Variants in ACTR3B observed in about 807,000 individuals in gnomAD.
ACTR3B encodes actin related protein 3B, also known as actin-related protein 3B.
A neutral mutation model predicts 59.0 loss-of-function variants in ACTR3B; 8 were observed. That is an observed-to-expected ratio of 0.14 (90% CI 0.08 to 0.24). The LOEUF is 0.24. Among genes scored for constraint, ACTR3B ranks in the 10% least tolerant of loss-of-function variants. The pLI, the probability that ACTR3B is intolerant of heterozygous loss-of-function variation, is 1.00. For synonymous variants in ACTR3B, 148 were observed against 197.9 expected (o/e 0.75, Z 2.12); for missense variants, 245 against 552.3 (o/e 0.44, Z 5.58).
chr7:152,837,653 G>T (rs1797573624), intron 9 of ACTR3B, among the ~76,000 whole-genome samples: 1 of 152,222 alleles, frequency 6.6e-6, no homozygotes, highest in Non-Finnish European at 1.5e-5. Context: ...CAAGACTCCT[G>T]CTGAATACAT....
intron 1 of ACTR3B, among the ~76,000 whole-genome samples, chr7:152,777,882 G>A (rs1432761660): frequency 6.6e-6 from 1 of 151,912 alleles, no homozygotes; most frequent in African/African-American, 2.4e-5. Context: ...CATGGGAGGT[G>A]GAGGTTGCAG....
intron 1 of ACTR3B, among the ~76,000 whole-genome samples, chr7:152,780,516 A>G (rs1441139467): frequency 6.6e-6 from 1 of 151,938 alleles, no homozygotes. Flanking sequence ...GAATCTGAAC[A>G]TTCCAGCAGC....
chr7:152,828,625 C>T (rs1796771348), intron 9 of ACTR3B, among the ~76,000 whole-genome samples: 1 of 152,204 alleles, frequency 6.6e-6, no homozygotes, highest in Non-Finnish European at 1.5e-5. Context: ...GCAGAGCACG[C>T]AGTCACCTTT....
At chr7:152,847,501 TTGTC>T (rs1798444789) in intron 9 of ACTR3B, among the ~76,000 whole-genome samples, 1 of 152,178 alleles carries the variant, frequency 6.6e-6, no homozygotes, top group South Asian at 2.1e-4. Context: ...GCTCTCCTAT[TTGTC>T]TGTCCTTAGA....
chr7:152,829,032 T>TTG lies in ACTR3B; in HGVS notation c.951+3922_951+3923dup, dbSNP rs770912639. Among the ~76,000 whole-genome samples the TTG allele has an allele frequency of 3.1e-4, 45 of 144,638 alleles. No homozygotes were observed. In the Middle Eastern group the frequency reaches 0.014, roughly 46 times the overall value. The allele number at this position is 144,638 out of a possible 152,430, so 94.9% of individuals were successfully genotyped here. On this transcript the variant is annotated intron_variant, in intron 9 of 11. Coordinates refer to ENST00000256001, the MANE Select transcript of ACTR3B (RefSeq NM_020445.6). ...TTTGAGGTATATTGACAAGTAAAAA[T>TTG]TGTGTGTGTGTGTATATATATATAT...
At chr7:152,785,095 T>G (rs190728298) in intron 2 of ACTR3B, among the ~76,000 whole-genome samples, 42 of 152,062 alleles carry the variant, frequency 2.8e-4, no homozygotes, top group African/African-American at 9.9e-4. Flanking sequence ...CCTTGTTAAG[T>G]GCGACAGCTA....
rs2098161475 is a variant in ACTR3B at position 152,783,445 on chromosome 7, T to G, written c.100+203T>G. 3.3e-5 allele frequency among the ~76,000 whole-genome samples: 5 copies of G among 152,106 alleles called. No homozygotes were observed. In the South Asian group the frequency reaches 1.0e-3, roughly 32 times the overall value. ...ACTGTCGTTGGAATCTCAGCTTGGA[T>G]AGTCAGCAGGGTCCATTTATTCAAT... On this transcript the variant is annotated intron_variant, in intron 2 of 11. Transcript: ENST00000256001.
intron 2 of ACTR3B, among the ~76,000 whole-genome samples, chr7:152,784,910 C>T (rs2098166559): frequency 6.6e-6 from 1 of 152,014 alleles, no homozygotes. Flanking sequence ...AGGGTTAGGG[C>T]TTCTGCGTAG....
chr7:152,829,608 G>A (rs1563139152), intron 9 of ACTR3B, among the ~76,000 whole-genome samples: 1 of 152,128 alleles, frequency 6.6e-6, no homozygotes, highest in Non-Finnish European at 1.5e-5. Flanking sequence ...ATCAGCCTGG[G>A]CCCACCGTGG....
At chr7:152,793,531 G>A (rs982426319) in intron 2 of ACTR3B, among the ~76,000 whole-genome samples, 1 of 136,400 alleles carries the variant, frequency 7.3e-6, no homozygotes, top group Non-Finnish European at 1.5e-5. Flanking sequence ...TTGTTTCTTT[G>A]CTGTGGCTTT....
intron 4 of ACTR3B, among the ~76,000 whole-genome samples, chr7:152,807,951 C>A (rs866534835): frequency 6.6e-6 from 1 of 152,170 alleles, no homozygotes; most frequent in African/African-American, 2.4e-5. Context: ...TAGGCACATT[C>A]ACAAACCATT....
chr7:152,810,178 C>T (rs1460305756), intron 4 of ACTR3B, among the ~76,000 whole-genome samples: 1 of 152,140 alleles, frequency 6.6e-6, no homozygotes, highest in Non-Finnish European at 1.5e-5. Flanking sequence ...ACCACCTCAG[C>T]TCACTGTAAC....
intron 1 of ACTR3B, among the ~76,000 whole-genome samples, chr7:152,768,157 A>G (rs2098115470): frequency 6.6e-6 from 1 of 152,248 alleles, no homozygotes; most frequent in African/African-American, 2.4e-5. Flanking sequence ...TGGGAGGCGG[A>G]GGTTGCAGTG....
chr7:152,775,884 G>C (rs2098135282), intron 1 of ACTR3B, among the ~76,000 whole-genome samples: 1 of 152,140 alleles, frequency 6.6e-6, no homozygotes, highest in Non-Finnish European at 1.5e-5. Context: ...CTTCTTAAGG[G>C]ATACCTTTTT....
chr7:152,820,546 C>A (rs1186616071), intron 7 of ACTR3B, 104 bp downstream of exon 7: 6 of 1,475,006 alleles, frequency 4.1e-6, no homozygotes, highest in East Asian at 2.5e-5. Context: ...CTTCCTCTCC[C>A]CTTCCCATGA....
intron 1 of ACTR3B, among the ~76,000 whole-genome samples, chr7:152,761,339 T>C (rs2098088737): frequency 6.6e-6 from 1 of 152,026 alleles, no homozygotes; most frequent in Non-Finnish European, 1.5e-5. Flanking sequence ...GTGAAACCAG[T>C]GGGTGAAAGT....
At chr7:152,774,160 G>C (rs1380847907) in intron 1 of ACTR3B, among the ~76,000 whole-genome samples, 1 of 152,072 alleles carries the variant, frequency 6.6e-6, no homozygotes, top group Non-Finnish European at 1.5e-5. Context: ...TTTTGAGATG[G>C]AGTTTTGCTC....
At chr7:152,823,019 A>T (rs1054740913) in intron 7 of ACTR3B, among the ~76,000 whole-genome samples, 34 of 152,356 alleles carry the variant, frequency 2.2e-4, no homozygotes, top group African/African-American at 7.5e-4. Flanking sequence ...GGCATCTGAG[A>T]GGAACAAGGC....
At chr7:152,818,359 G>A (rs1369270388) in intron 6 of ACTR3B, among the ~76,000 whole-genome samples, 1 of 152,180 alleles carries the variant, frequency 6.6e-6, no homozygotes, top group Non-Finnish European at 1.5e-5. Flanking sequence ...TTGAAAATTT[G>A]GATAAAATAG....
Sources: allele counts gnomAD v4.1 joint callset (sites outside exome capture counted in the v4.1 genomes callset), GRCh38; gene constraint gnomAD v4.1.1; transcripts MANE v1.5; gene names NCBI Gene and HGNC (gene_info 2026-07-23, HGNC 2026-07-21).